The following PTPRN2 variants were observed in gnomAD, a reference collection of about 807,000 sequenced individuals.
PTPRN2 encodes receptor-type tyrosine-protein phosphatase N2.
PTPRN2 carries 74 observed loss-of-function variants against 118.8 expected under a neutral mutation model. That is an observed-to-expected ratio of 0.62 (90% CI 0.52 to 0.76). The LOEUF (loss-of-function observed/expected upper bound fraction) is 0.76, where lower values mean the gene tolerates loss of function less well. PTPRN2 is among the 30% of genes least tolerant of loss of function. The pLI is 0.00. For synonymous variants in PTPRN2, 641 were observed against 608.0 expected, an observed-to-expected ratio of 1.05 and a Z score of -0.80; for missense variants, 1,481 against 1,394.4, an observed-to-expected ratio of 1.06 and a Z score of -0.99.
intron 1 of PTPRN2, among the ~76,000 whole-genome samples, chr7:158,561,234 A>T (rs1295775263): frequency 6.6e-6 from 1 of 152,236 alleles, no homozygotes; most frequent in Non-Finnish European, 1.5e-5. Flanking sequence ...TAATAACCCC[A>T]GTAATTCTCA....
Position 157,925,000 on chromosome 7 carries a change from T to C in PTPRN2, c.1724-26263A>G, listed in dbSNP as rs1257333705. Among the ~76,000 whole-genome samples, 2 of 62,608 alleles carry C rather than the reference T, an allele frequency of 3.2e-5. 1 individual carries two copies. The highest frequency in any genetic ancestry group is 6.1e-5 in the Non-Finnish European group (2 of 32,802). The allele number at this position is 62,608 out of a possible 152,430, so 41.1% of individuals were successfully genotyped here. A position where few individuals can be genotyped will look rare whatever the true frequency, so the allele number is the denominator to read the frequency against. ...TTAGCACATCAGGCAAATGCAGTTA[T>C]TGAAATGTAGTCAGGATGCAGGCAC... On this transcript the variant is annotated intron_variant, in intron 11 of 22. Transcript: ENST00000389418.
chr7:158,498,229 CT>C (rs2129446149), intron 1 of PTPRN2, among the ~76,000 whole-genome samples: 1 of 152,362 alleles, frequency 6.6e-6, no homozygotes, highest in African/African-American at 2.4e-5. Context: ...TCACTCCACC[CT>C]GGAAGAAGGG....
Position 158,529,789 on chromosome 7 carries a change from C to T in PTPRN2, c.113-40004G>A, listed in dbSNP as rs948684860. Among the ~76,000 whole-genome samples, 1 of 152,150 alleles carries T rather than the reference C, an allele frequency of 6.6e-6. No homozygotes were observed. Among genetic ancestry groups the T allele is most frequent in the Non-Finnish European group, 1.5e-5 (1 of 68,018 alleles). ...CAGCTCACAGTCTCCCCAGGCCTCCCCAGCCAGCATGAGTTCTCAGCATCT... is the reference window on the plus strand; with the variant it reads ...CAGCTCACAGTCTCCCCAGGCCTCCTCAGCCAGCATGAGTTCTCAGCATCT... On this transcript the variant is annotated intron_variant, in intron 1 of 22. Coordinates refer to ENST00000389418, the MANE Select transcript of PTPRN2 (RefSeq NM_002847.5). The surrounding 1 kb of genome is among the most constrained non-coding windows in gnomAD (Gnocchi z 4.7).
chr7:158,013,050 C>G (rs1806158871), intron 11 of PTPRN2, among the ~76,000 whole-genome samples: 1 of 152,164 alleles, frequency 6.6e-6, no homozygotes, highest in Admixed American at 6.5e-5. Flanking sequence ...CCAAGCACTT[C>G]CATGTTTGTC....
chr7:158,143,861 C>A (rs1008761745), intron 6 of PTPRN2, among the ~76,000 whole-genome samples: 18 of 152,154 alleles, frequency 1.2e-4, no homozygotes, highest in African/African-American at 4.3e-4. Flanking sequence ...GCAGGCACCA[C>A]AAGGCCTGGG....
intron 1 of PTPRN2, among the ~76,000 whole-genome samples, chr7:158,575,526 A>G (rs1303299783): frequency 6.6e-6 from 1 of 152,162 alleles, no homozygotes; most frequent in African/African-American, 2.4e-5. Flanking sequence ...CACCAGGCCC[A>G]GCTAATTTTT....
Position 157,611,005 on chromosome 7 carries a change from C to A in PTPRN2, c.2345-6930G>T, listed in dbSNP as rs1222890239. Among the ~76,000 whole-genome samples, 2 of 152,184 alleles carry A rather than the reference C, an allele frequency of 1.3e-5. No individual in the cohort carries two copies. The highest frequency in any genetic ancestry group is 6.5e-5 in the Admixed American group (1 of 15,276). ...CATATCCAGAAAGCCCTGCTACATC[C>A]AGAGATGGTCATGAAAATGAGACCT... is the stretch of plus-strand genomic sequence containing the variant. On this transcript the variant is annotated intron_variant, in intron 15 of 22. Coordinates refer to ENST00000389418, the MANE Select transcript of PTPRN2 (RefSeq NM_002847.5). The surrounding 1 kb of genome is among the most constrained non-coding windows in gnomAD (Gnocchi z 5.9).
chr7:158,329,720 T>A (rs1180304233), intron 2 of PTPRN2, among the ~76,000 whole-genome samples: 1 of 152,284 alleles, frequency 6.6e-6, no homozygotes, highest in Non-Finnish European at 1.5e-5. Flanking sequence ...ATTGACGCCA[T>A]GTGGAAATTA....
chr7:157,558,240 C>G (rs1432141477), intron 21 of PTPRN2, among the ~76,000 whole-genome samples: 1 of 152,070 alleles, frequency 6.6e-6, no homozygotes, highest in East Asian at 1.9e-4. Flanking sequence ...TGCCAGGGCA[C>G]CGGGGCAGGA....
chr7:158,247,407 C>T (rs1796327527), intron 3 of PTPRN2, among the ~76,000 whole-genome samples: 2 of 122,032 alleles, frequency 1.6e-5, no homozygotes, highest in Admixed American at 8.9e-5. Flanking sequence ...GATACAGGGG[C>T]GCAAAGGGAA....
At chr7:158,059,026 A>G (rs372205794) in intron 11 of PTPRN2, among the ~76,000 whole-genome samples, 1,356 of 86,348 alleles carry the variant, frequency 0.016, 24 homozygotes, top group Non-Finnish European at 0.022. Flanking sequence ...ATCTGCCCAC[A>G]GTGAGACACC....
In PTPRN2 at chr7:158,329,225, C is replaced by A. The variant is rs1803922785; in HGVS notation, c.164-12293G>T. Among the ~76,000 whole-genome samples, 4 of 152,158 alleles carry A rather than the reference C, an allele frequency of 2.6e-5. No homozygotes were observed. In the South Asian group the frequency reaches 8.3e-4, roughly 32 times the overall value. On this transcript the variant is annotated intron_variant, in intron 2 of 22. Transcript: ENST00000389418. ...GGGGGAAGCGTGGCGGGTGGGAGGC[C>A]CTTCTGGGAGGTGAGGAGCAGGCTA...
chr7:157,954,305 A>G (rs111065201), intron 11 of PTPRN2, among the ~76,000 whole-genome samples: 15 of 82,966 alleles, frequency 1.8e-4, no homozygotes, highest in South Asian at 4.2e-4. Flanking sequence ...TGTGGGTGGT[A>G]CCCGTGTACT....
At chr7:157,717,881 C>T (rs553104132) in intron 12 of PTPRN2, among the ~76,000 whole-genome samples, 2 of 152,396 alleles carry the variant, frequency 1.3e-5, no homozygotes, top group Admixed American at 6.5e-5. Context: ...TGCTACCCCG[C>T]GTACCTTTCA....
chr7:158,278,171 G>A (rs1456044990), intron 3 of PTPRN2, among the ~76,000 whole-genome samples: 3 of 152,196 alleles, frequency 2.0e-5, no homozygotes, highest in African/African-American at 7.2e-5. Context: ...CCTAGAGCCA[G>A]AAGGATGTAG....
chr7:158,406,641 C>T (rs1393279268), intron 2 of PTPRN2, among the ~76,000 whole-genome samples: 1 of 152,352 alleles, frequency 6.6e-6, no homozygotes, highest in East Asian at 1.9e-4. Context: ...TGCAGCCACT[C>T]GCTGGCATGT....
chr7:158,322,331 T>C (rs1266132337), intron 2 of PTPRN2, among the ~76,000 whole-genome samples: 1 of 152,176 alleles, frequency 6.6e-6, no homozygotes, highest in Admixed American at 6.5e-5. Context: ...CGGTTATAAT[T>C]GTGGACAGGC....
intron 12 of PTPRN2, among the ~76,000 whole-genome samples, chr7:157,796,465 C>A (rs1343946057): frequency 2.0e-5 from 3 of 152,184 alleles, no homozygotes; most frequent in African/African-American, 7.2e-5. Context: ...TTACTGAACG[C>A]CTGCCCATGG....
chr7:157,624,098 G>GTT (rs1803424288), intron 14 of PTPRN2, among the ~76,000 whole-genome samples: 1 of 152,074 alleles, frequency 6.6e-6, no homozygotes, highest in Admixed American at 6.5e-5. Context: ...TACTTATGAT[G>GTT]GGTTATGGCC....
Sources: gnomAD v4.1 joint callset for allele counts (sites outside exome capture counted in the v4.1 genomes callset) on GRCh38, gnomAD v4.1.1 for gene constraint, Gnocchi (gnomAD v3.1) non-coding constraint, MANE v1.5 for transcripts, NCBI Gene and HGNC (gene_info 2026-07-23, HGNC 2026-07-21) for gene names.